PCDHA6: variants seen among roughly 807,000 people sequenced by gnomAD.
PCDHA6 encodes the protein protocadherin alpha-6.
Under a neutral mutation model 60.3 loss-of-function variants are expected in PCDHA6, and 55 were observed. The ratio of observed to expected loss-of-function variants is 0.91; its 90% CI spans 0.73 to 1.14. The LOEUF (loss-of-function observed/expected upper bound fraction) is 1.14, where lower values mean the gene tolerates loss of function less well. Among genes scored for constraint, PCDHA6 ranks in the 50% most tolerant of loss-of-function variants. The probability of loss-of-function intolerance (pLI) is 0.00; values close to 1 mark genes in which losing one functional copy is unlikely to be tolerated. For missense variants in PCDHA6, 1,327 were observed against 1,256.5 expected, an observed-to-expected ratio of 1.06 and a Z score of -0.85; for synonymous variants, 652 against 557.9, an observed-to-expected ratio of 1.17 and a Z score of -2.38.
At chr5:140,981,017 G>T (rs782757397) in intron 2 of PCDHA6, among the ~76,000 whole-genome samples, 42 of 152,076 alleles carry the variant, frequency 2.8e-4, no homozygotes, top group Non-Finnish European at 5.3e-4. Flanking sequence ...ACACTTGAAG[G>T]CTGTTAATAT....
intron 1 of PCDHA6, chr5:140,857,146 CGTCATTGCCCT>C: frequency 6.3e-7 from 1 of 1,598,132 alleles, no homozygotes; most frequent in Non-Finnish European, 8.6e-7. Context: ...AAGTGGGCAC[CGTCATTGCCCT>C]AATCAGCGTT....
At chr5:140,912,010 G>A (rs1208180595) in intron 1 of PCDHA6, among the ~76,000 whole-genome samples, 1 of 152,202 alleles carries the variant, frequency 6.6e-6, no homozygotes. Flanking sequence ...CCATCTGCAA[G>A]CTGAGGAGCA....
chr5:140,870,221 T>C (rs1554163925), intron 1 of PCDHA6: 2 of 1,614,012 alleles, frequency 1.2e-6, no homozygotes, highest in Admixed American at 3.3e-5. Context: ...CTGATCAGCG[T>C]GTCTGACCGT....
intron 3 of PCDHA6, among the ~76,000 whole-genome samples, chr5:141,005,701 C>CAA (rs59860837): frequency 0.061 from 476 of 7,774 alleles, 114 homozygotes; most frequent in African/African-American, 0.16. Flanking sequence ...AACTCCGTCT[C>CAA]AAAAAAAAAA....
At chr5:140,968,324 T>C (rs781875050) in intron 1 of PCDHA6, 15 of 1,613,972 alleles carry the variant, frequency 9.3e-6, no homozygotes. Context: ...GCCAGTCACC[T>C]CCTATGTCTC....
chr5:140,853,135 T>C, intron 1 of PCDHA6: 2 of 687,812 alleles, frequency 2.9e-6, no homozygotes, highest in Non-Finnish European at 3.7e-6. Context: ...CGCCTCAGCC[T>C]CCCAAAATGC....
At chr5:140,943,670 G>A (rs1161487572) in intron 1 of PCDHA6, among the ~76,000 whole-genome samples, 1 of 152,036 alleles carries the variant, frequency 6.6e-6, no homozygotes, top group Non-Finnish European at 1.5e-5. Flanking sequence ...TGTATAAAGT[G>A]TGAAAAAAAG....
intron 1 of PCDHA6, chr5:140,857,218 T>G: frequency 6.3e-7 from 1 of 1,598,468 alleles, no homozygotes. Context: ...CTCTGACGCC[T>G]CACGTTCCGT....
chr5:140,868,742 T>A (rs2050624283), intron 1 of PCDHA6: 2 of 208,154 alleles, frequency 9.6e-6, no homozygotes, highest in Non-Finnish European at 9.7e-6. Flanking sequence ...AGAAATACAA[T>A]GCCATTTCCA....
At chr5:140,879,303 G>A (rs2057936117) in intron 1 of PCDHA6, among the ~76,000 whole-genome samples, 1 of 152,184 alleles carries the variant, frequency 6.6e-6, no homozygotes. Flanking sequence ...AAAAACAAAA[G>A]TAGAAGTTGA....
intron 1 of PCDHA6, among the ~76,000 whole-genome samples, chr5:140,855,406 C>T (rs2043455181): frequency 6.7e-6 from 1 of 149,796 alleles, no homozygotes; most frequent in Non-Finnish European, 1.5e-5. Context: ...GATGTTGAAG[C>T]TAATGATCTC....
At chr5:140,846,373 CTTTT>C (rs374699051) in intron 1 of PCDHA6, among the ~76,000 whole-genome samples, 1 of 55,152 alleles carries the variant, frequency 1.8e-5, no homozygotes, top group Admixed American at 2.3e-4. Flanking sequence ...TTCTTTCTTT[CTTTT>C]TTTTTTTTTT....
At chr5:140,951,767 G>A (rs561938687) in intron 1 of PCDHA6, among the ~76,000 whole-genome samples, 2 of 152,160 alleles carry the variant, frequency 1.3e-5, no homozygotes, top group South Asian at 2.1e-4. Context: ...ATCTCATGAC[G>A]TTCTTACATT....
At chr5:140,939,262 T>G (rs1371349789) in intron 1 of PCDHA6, among the ~76,000 whole-genome samples, 1 of 152,146 alleles carries the variant, frequency 6.6e-6, no homozygotes, top group Non-Finnish European at 1.5e-5. Context: ...GGAACCTCTT[T>G]TATGAGAGCT....
At chr5:140,979,912 G>C (rs1554241237) in intron 2 of PCDHA6, among the ~76,000 whole-genome samples, 2 of 152,248 alleles carry the variant, frequency 1.3e-5, no homozygotes, top group South Asian at 2.1e-4. Flanking sequence ...AGTTCGTAAA[G>C]AGAAAGCCTA....
intron 1 of PCDHA6, among the ~76,000 whole-genome samples, chr5:140,938,899 A>G (rs1175857132): frequency 1.3e-5 from 2 of 152,000 alleles, no homozygotes; most frequent in African/African-American, 2.4e-5. Context: ...ACAGATGCGC[A>G]CACACACACA....
intron 1 of PCDHA6, chr5:140,877,328 A>G (rs782817195): frequency 1.2e-6 from 2 of 1,613,980 alleles, no homozygotes; most frequent in Non-Finnish European, 1.7e-6. Context: ...GTCGGCGCGC[A>G]CATCCCGTTC....
chr5:140,899,609 A>G (rs898089235), intron 1 of PCDHA6, among the ~76,000 whole-genome samples: 12 of 152,104 alleles, frequency 7.9e-5, no homozygotes, highest in Non-Finnish European at 1.6e-4. Context: ...CTTTTGCATC[A>G]ATGTTCATCA....
At chr5:140,851,846 T>C in intron 1 of PCDHA6, 1 of 970,670 alleles carries the variant, frequency 1.0e-6, no homozygotes, top group Non-Finnish European at 1.2e-6. Context: ...TATCTTTTTC[T>C]CCTCTCAGCT....
Sources: gnomAD v4.1 joint callset for allele counts (sites outside exome capture counted in the v4.1 genomes callset) on GRCh38, gnomAD v4.1.1 for gene constraint, MANE v1.5 for transcripts, NCBI Gene and HGNC (gene_info 2026-07-23, HGNC 2026-07-21) for gene names.